The following TDRD7 variants were observed in gnomAD, a reference collection of about 807,000 sequenced individuals.
The protein encoded by TDRD7 is tudor domain containing 7, also known as tudor domain-containing protein 7.
In TDRD7, 47 loss-of-function variants were observed where a neutral mutation model predicts 109.8. The ratio of observed to expected loss-of-function variants is 0.43; its 90% confidence interval spans 0.34 to 0.55. TDRD7 has a LOEUF of 0.55. Ranked by LOEUF, TDRD7 falls within the 20% of genes least tolerant of loss-of-function variation. The probability of loss-of-function intolerance (pLI) is 0.03; values close to 1 mark genes in which losing one functional copy is unlikely to be tolerated. For missense variants in TDRD7, 1,164 were observed against 1,319.2 expected (o/e 0.88, Z 1.82); for synonymous variants, 424 against 457.3 (o/e 0.93, Z 0.93).
intron 16 of TDRD7, among the ~76,000 whole-genome samples, chr9:97,490,164 TTTTC>T (rs1433866969): frequency 1.3e-5 from 2 of 152,188 alleles, no homozygotes; most frequent in East Asian, 1.9e-4. Context: ...CATTCTCTGA[TTTTC>T]TTTATGTCGA....
At position 97,482,900 on chromosome 9, in the gene TDRD7, C is replaced by G; in HGVS notation, c.2464C>G (p.Pro822Ala). 2.5e-6 allele frequency: 4 copies of G among 1,614,088 alleles called. No individual in the cohort carries two copies. Among genetic ancestry groups the G allele is most frequent in the Admixed American group, 1.7e-5 (1 of 60,006 alleles). ...RGIAHVYLFTPKNFPDPHRSI... is the reference protein window; with the variant it reads ...RGIAHVYLFTAKNFPDPHRSI... ...GATCGCACATGTTTATTTATTTACC[C>G]CTAAGAACTTCCCTGACCCTCATCG... is the stretch of plus-strand genomic sequence containing the variant. The change falls in exon 15 of 17, where the codon CCT becomes GCT. Residue 822 changes from proline to alanine, a missense_variant. Pro to Ala is a conservative substitution (Grantham distance 27). Around this residue, in one of 5 missense-constraint regions of TDRD7, gnomAD observed 233 missense variants for 218.0 expected, o/e 1.07. Coordinates refer to ENST00000355295, the MANE Select transcript of TDRD7 (RefSeq NM_014290.3).
intron 4 of TDRD7, among the ~76,000 whole-genome samples, chr9:97,435,205 A>G (rs1247269421): frequency 2.0e-5 from 3 of 148,818 alleles, no homozygotes; most frequent in East Asian, 2.0e-4. Flanking sequence ...ACTATTGCCA[A>G]TATTCTGGTT....
In TDRD7 at chr9:97,487,149, T is replaced by A; in HGVS notation, c.2916-23T>A. 4.3e-6 allele frequency: 7 copies of A among 1,613,722 alleles called. No individual in the cohort carries two copies. In the South Asian group the frequency reaches 7.7e-5, roughly 18 times the overall value. The stretch of plus-strand genomic sequence containing the variant: ...ACTGAGTTTATGTGTTTTCTCTTCC[T>A]TTTTAATTTAATGTACATCTAGGTG... On this transcript the variant is annotated intron_variant, in intron 15 of 16. Transcript: ENST00000355295.
chr9:97,447,505 A>G lies in TDRD7; in HGVS notation c.855+5630A>G, dbSNP rs1247786677. Among the ~76,000 whole-genome samples the G allele has an allele frequency of 2.6e-5, 4 of 152,342 alleles. No homozygotes were observed. The South Asian group carries it at 6.2e-4, about 24-fold the overall frequency. On this transcript the variant is annotated intron_variant, in intron 6 of 16. Coordinates refer to ENST00000355295, the MANE Select transcript of TDRD7 (RefSeq NM_014290.3). ...GCCAAAACCCACTGCTCAACCAGGG[A>G]CATGCCCAGCAAGCTCTACAAGGAA...
At chr9:97,428,433 T>C (rs755785572) in intron 1 of TDRD7, 27 bp from the exon 2 acceptor site, 2 of 1,606,084 alleles carry the variant, frequency 1.2e-6, no homozygotes, top group Admixed American at 1.7e-5. Context: ...AGCCATATTA[T>C]AGTAACCTTC....
At chr9:97,487,556 G>C (rs1315861204) in intron 16 of TDRD7, among the ~76,000 whole-genome samples, 1 of 151,718 alleles carries the variant, frequency 6.6e-6, no homozygotes, top group African/African-American at 2.4e-5. Context: ...TACTCCTTCT[G>C]TCTCTGGTTT....
rs1232820647 is a variant in TDRD7, at chr9:97,431,133, G to A, written c.349+59G>A. The A allele has an allele frequency of 5.0e-6, 8 of 1,599,874 alleles. No individual in the cohort carries two copies. The Admixed American group carries it at 1.0e-4, about 20-fold the overall frequency. On this transcript the variant is annotated intron_variant, in intron 3 of 16. Transcript: ENST00000355295. ...CTGTCTACGAATACATTATCATAGG[G>A]AATTATGGAAATATTGTTTGTATTA...
At position 97,435,122 on chromosome 9, in the gene TDRD7, CGT is replaced by C. The variant is rs376154846; in HGVS notation, c.563+2888_563+2889del. Among the ~76,000 whole-genome samples, 182 of 152,028 alleles carry C rather than the reference CGT, an allele frequency of 1.2e-3. 1 individual carries two copies. The highest frequency in any genetic ancestry group is 4.0e-3 in the African/African-American group (166 of 41,438). The stretch of plus-strand genomic sequence containing the variant: ...GTACTGGTGGGCACGTGAATCTGTA[CGT>C]GTGGTAAATTGCACAGAACTACACA... On this transcript the variant is annotated intron_variant, in intron 4 of 16. Coordinates refer to ENST00000355295, the MANE Select transcript of TDRD7 (RefSeq NM_014290.3).
chr9:97,475,646 A>C (rs1829006474), intron 12 of TDRD7, among the ~76,000 whole-genome samples, 177 bp downstream of exon 12: 1 of 152,170 alleles, frequency 6.6e-6, no homozygotes, highest in Non-Finnish European at 1.5e-5. Context: ...AAGAAAGTTT[A>C]CATCTCCTTT....
chr9:97,477,348 A>G (rs534611525), intron 12 of TDRD7, among the ~76,000 whole-genome samples: 1 of 152,224 alleles, frequency 6.6e-6, no homozygotes, highest in East Asian at 1.9e-4. Flanking sequence ...TGGATCCCAC[A>G]TTGTCTTTAG....
intron 1 of TDRD7, among the ~76,000 whole-genome samples, chr9:97,416,382 T>G (rs1223252114): frequency 6.6e-6 from 1 of 152,230 alleles, no homozygotes; most frequent in Non-Finnish European, 1.5e-5. Flanking sequence ...TATCCATTGG[T>G]CAATTAAACA....
chr9:97,419,029 G>T (rs1224073549), intron 1 of TDRD7, among the ~76,000 whole-genome samples: 1 of 152,208 alleles, frequency 6.6e-6, no homozygotes, highest in Non-Finnish European at 1.5e-5. Context: ...GGAGGAGTCA[G>T]ATATATTGAA....
At chr9:97,483,498 A>C (rs1396575936) in intron 15 of TDRD7, 147 bp downstream of exon 15, 14 of 998,862 alleles carry the variant, frequency 1.4e-5, no homozygotes, top group Non-Finnish European at 2.0e-5. Context: ...CCGATTTTCT[A>C]GTATTTAAAA....
At chr9:97,457,970 C>T (rs2131146091) in intron 6 of TDRD7, among the ~76,000 whole-genome samples, 1 of 152,188 alleles carries the variant, frequency 6.6e-6, no homozygotes, top group East Asian at 1.9e-4. Context: ...CAACACTTAC[C>T]AGGGCCTATT....
At chr9:97,478,885 T>C (rs1205924380) in intron 13 of TDRD7, among the ~76,000 whole-genome samples, 1 of 152,186 alleles carries the variant, frequency 6.6e-6, no homozygotes, top group Non-Finnish European at 1.5e-5. Flanking sequence ...TTCCAGAATA[T>C]TGTGTATAAA....
intron 6 of TDRD7, among the ~76,000 whole-genome samples, chr9:97,455,728 G>A (rs1828594780): frequency 6.6e-6 from 1 of 152,166 alleles, no homozygotes; most frequent in South Asian, 2.1e-4. Flanking sequence ...TATTGAATGT[G>A]CAAAAGCTGG....
In TDRD7 at chr9:97,439,327, T is replaced by TTC; in HGVS notation, c.637+9_637+10insTC. On this transcript the variant is annotated intron_variant, in intron 5 of 16. Coordinates refer to ENST00000355295, the MANE Select transcript of TDRD7 (RefSeq NM_014290.3). ...TACTAAGGAAATGAGTGGTATGTTT[T>TTC]CCAAACATTTTTGAGATACATATTG... 1 of 1,601,680 alleles carries TTC rather than the reference T, an allele frequency of 6.2e-7. No homozygotes were observed. Among genetic ancestry groups the TTC allele is most frequent in the Non-Finnish European group, 8.5e-7 (1 of 1,177,874 alleles).
intron 1 of TDRD7, among the ~76,000 whole-genome samples, chr9:97,416,909 A>G (rs887895412): frequency 3.3e-5 from 5 of 152,094 alleles, no homozygotes; most frequent in Admixed American, 1.3e-4. Context: ...TGGAGCTTGC[A>G]TTGAAGTTGG....
intron 7 of TDRD7, 53 bp downstream of exon 7, chr9:97,460,817 C>A: frequency 6.7e-7 from 1 of 1,492,254 alleles, no homozygotes; most frequent in Non-Finnish European, 9.3e-7. Flanking sequence ...TGTCACTTGT[C>A]TATTCTTCAC....
Sources: allele counts gnomAD v4.1 joint callset (sites outside exome capture counted in the v4.1 genomes callset), GRCh38; gene constraint gnomAD v4.1.1; regional missense constraint gnomAD v4.1.1; transcripts MANE v1.5; gene names NCBI Gene and HGNC (gene_info 2026-07-23, HGNC 2026-07-21).